Variants in ERBB4 observed in about 807,000 individuals in gnomAD.
The protein encoded by ERBB4 is erb-b2 receptor tyrosine kinase 4.
Under a neutral mutation model 158.0 loss-of-function variants are expected in ERBB4, and 42 were observed. That is an observed-to-expected ratio of 0.27 (90% CI 0.21 to 0.34). ERBB4 has a LOEUF of 0.34. Ranked by LOEUF, ERBB4 falls within the 10% of genes least tolerant of loss-of-function variation. The pLI, the probability that ERBB4 is intolerant of heterozygous loss-of-function variation, is 1.00. For missense variants in ERBB4, 1,333 were observed against 1,624.1 expected (o/e 0.82, Z 3.08); for synonymous variants, 583 against 558.7 (o/e 1.04, Z -0.61).
chr2:211,722,549 A>T lies in ERBB4; in HGVS notation c.742-15T>A. 3.1e-6 allele frequency: 5 copies of T among 1,613,440 alleles called. No individual in the cohort carries two copies. Among genetic ancestry groups the T allele is most frequent in the Non-Finnish European group, 3.4e-6 (4 of 1,179,372 alleles). ...TTCATGCAGGCCTGCAACACAGCAA[A>T]TATTACTTTCATTTACAAATAAACT... is the stretch of plus-strand genomic sequence containing the variant. On this transcript the variant is annotated splice_polypyrimidine_tract_variant and intron_variant, in intron 6 of 27. Transcript: ENST00000342788.
At chr2:211,934,555 T>A (rs2080261012) in intron 3 of ERBB4, among the ~76,000 whole-genome samples, 1 of 151,986 alleles carries the variant, frequency 6.6e-6, no homozygotes, top group Admixed American at 6.6e-5. Context: ...ATATTGATTT[T>A]CCTTCCTTCC....
intron 2 of ERBB4, among the ~76,000 whole-genome samples, chr2:212,046,659 G>A (rs941142914): frequency 6.6e-6 from 1 of 152,072 alleles, no homozygotes; most frequent in Non-Finnish European, 1.5e-5. Flanking sequence ...CCACCAAATT[G>A]TCTATTTGCC....
intron 2 of ERBB4, among the ~76,000 whole-genome samples, chr2:211,981,176 T>C (rs910982798): frequency 3.9e-5 from 6 of 152,130 alleles, no homozygotes; most frequent in Admixed American, 1.3e-4. Context: ...GAGGACGCTG[T>C]TGTCTATCCT....
intron 2 of ERBB4, among the ~76,000 whole-genome samples, chr2:212,018,948 T>C (rs2125323712): frequency 6.6e-6 from 1 of 152,244 alleles, no homozygotes; most frequent in Middle Eastern, 3.4e-3. Context: ...GGCGAATCAT[T>C]ACATTAAAAA....
chr2:211,846,273 C>A (rs762228798), intron 3 of ERBB4, among the ~76,000 whole-genome samples: 1 of 151,960 alleles, frequency 6.6e-6, no homozygotes, highest in East Asian at 1.9e-4. Context: ...AATCTCCAGA[C>A]ACTTTTTTTC....
chr2:212,225,881 T>C (rs2083451834), intron 1 of ERBB4, among the ~76,000 whole-genome samples: 2 of 152,124 alleles, frequency 1.3e-5, no homozygotes, highest in African/African-American at 2.4e-5. Context: ...TCCCCTCCCC[T>C]TGAGTGGGTA....
intron 17 of ERBB4, 22 bp from the exon 18 acceptor site, chr2:211,624,066 G>T: frequency 6.2e-7 from 1 of 1,613,414 alleles, no homozygotes; most frequent in Non-Finnish European, 8.5e-7. Context: ...AAAGAAGAAG[G>T]TTATACTTTC....
intron 3 of ERBB4, among the ~76,000 whole-genome samples, chr2:211,861,054 T>A (rs1356691171): frequency 0.2 from 3,217 of 15,704 alleles, 585 homozygotes; most frequent in Middle Eastern, 0.33. Flanking sequence ...TATATTTATA[T>A]ATATATAAAT....
At chr2:211,633,985 C>T (rs945056358) in intron 16 of ERBB4, among the ~76,000 whole-genome samples, 9 of 152,158 alleles carry the variant, frequency 5.9e-5, no homozygotes, top group African/African-American at 2.2e-4. Context: ...ATGGCGAAAC[C>T]CCATCTCTAC....
At chr2:212,347,137 T>C (rs889446016) in intron 1 of ERBB4, among the ~76,000 whole-genome samples, 3 of 152,076 alleles carry the variant, frequency 2.0e-5, no homozygotes, top group Non-Finnish European at 4.4e-5. Flanking sequence ...AACACTTGAC[T>C]CTCTCCTCAT....
chr2:211,718,490 A>T (rs1016290072), intron 7 of ERBB4, among the ~76,000 whole-genome samples: 8 of 152,162 alleles, frequency 5.3e-5, no homozygotes, highest in African/African-American at 1.9e-4. Flanking sequence ...AGTTTTTATG[A>T]TTCCATATAT....
At chr2:211,492,526 T>A (rs1436365595) in intron 20 of ERBB4, among the ~76,000 whole-genome samples, 1 of 152,092 alleles carries the variant, frequency 6.6e-6, no homozygotes, top group Non-Finnish European at 1.5e-5. Context: ...ATACTCTCAT[T>A]TAATGCCGAT....
chr2:212,101,522 C>T lies in ERBB4; in HGVS notation c.234+23230G>A, dbSNP rs566160846. On this transcript the variant is annotated intron_variant, in intron 2 of 27. Transcript: ENST00000342788. ...TGAAATTAGTGAGGAAACACGCATACCACAAAAAATAACCAATCTATCCCT... is the reference window on the plus strand; with the variant it reads ...TGAAATTAGTGAGGAAACACGCATATCACAAAAAATAACCAATCTATCCCT... Among the ~76,000 whole-genome samples, 23 of 151,462 alleles carry T rather than the reference C, an allele frequency of 1.5e-4. No homozygotes were observed. The South Asian group carries it at 4.8e-3, about 32-fold the overall frequency.
At chr2:211,916,431 C>T (rs1025562858) in intron 3 of ERBB4, among the ~76,000 whole-genome samples, 12 of 152,076 alleles carry the variant, frequency 7.9e-5, no homozygotes, top group South Asian at 2.1e-4. Flanking sequence ...CTGTCCGCCT[C>T]GGCCTCCCAA....
chr2:211,716,536 C>A (rs905363842), intron 7 of ERBB4, among the ~76,000 whole-genome samples: 2 of 151,040 alleles, frequency 1.3e-5, no homozygotes, highest in Non-Finnish European at 3.0e-5. Flanking sequence ...ATTAGCCGGG[C>A]CTGGTGGCGG....
chr2:212,346,085 A>T (rs141535287), intron 1 of ERBB4, among the ~76,000 whole-genome samples: 1 of 152,162 alleles, frequency 6.6e-6, no homozygotes, highest in Non-Finnish European at 1.5e-5. Flanking sequence ...AATTGTCTAG[A>T]CAGTTTAACT....
At chr2:211,699,866 T>C (rs557152504) in intron 12 of ERBB4, among the ~76,000 whole-genome samples, 2 of 152,286 alleles carry the variant, frequency 1.3e-5, no homozygotes, top group African/African-American at 4.8e-5. Context: ...GAAATAACAT[T>C]ATATAATTTA....
chr2:211,710,550 G>A (rs1458425052), intron 9 of ERBB4, among the ~76,000 whole-genome samples: 1 of 152,070 alleles, frequency 6.6e-6, no homozygotes, highest in Non-Finnish European at 1.5e-5. Context: ...AGTTGATTAA[G>A]GGTGTCCCAT....
intron 19 of ERBB4, among the ~76,000 whole-genome samples, chr2:211,594,958 T>C (rs1057025247): frequency 3.9e-5 from 6 of 152,204 alleles, no homozygotes; most frequent in Admixed American, 1.3e-4. Flanking sequence ...ATATATCCAA[T>C]CTATAATGAA....
Sources: allele counts gnomAD v4.1 joint callset (sites outside exome capture counted in the v4.1 genomes callset), GRCh38; gene constraint gnomAD v4.1.1; transcripts MANE v1.5; gene names NCBI Gene and HGNC (gene_info 2026-07-23, HGNC 2026-07-21).